Variants in RCOR3 observed in about 807,000 individuals in gnomAD.
RCOR3 encodes the protein REST corepressor 3.
RCOR3 carries 13 observed loss-of-function variants against 64.1 expected under a neutral mutation model. The ratio of observed to expected loss-of-function variants is 0.20; its 90% CI spans 0.13 to 0.32. RCOR3 has a LOEUF of 0.32. Ranked by LOEUF, RCOR3 falls within the 10% of genes least tolerant of loss-of-function variation. RCOR3 has a pLI of 1.00. For synonymous variants in RCOR3, 215 were observed against 239.0 expected (o/e 0.90, Z 0.93); for missense variants, 489 against 701.2 (o/e 0.70, Z 3.42).
chr1:211,259,667 C>T lies in RCOR3; in HGVS notation c.107C>T (p.Thr36Ile), dbSNP rs1409519973. The T allele has an allele frequency of 6.5e-7, 1 of 1,546,624 alleles. No individual in the cohort carries two copies. Among genetic ancestry groups the T allele is most frequent in the South Asian group, 1.2e-5 (1 of 83,860 alleles). ...GGCGGCGGCAGCGGCGCCTCGTCCA[C>T]CAACGGCGGGCTGCACTACTCAGAG... ...AGGGGSGASS[T>I]NGGLHYSEPE... Residue 36 changes from threonine (T) to isoleucine (I), a missense_variant, in exon 1 of 12, where the codon ACC becomes ATC. Coordinates refer to ENST00000419091, the MANE Select transcript of RCOR3 (RefSeq NM_001136223.3).
chr1:211,271,886 A>G (rs545109865), intron 3 of RCOR3: 2 of 166,190 alleles, frequency 1.2e-5, no homozygotes, highest in African/African-American at 4.8e-5. Context: ...TAACAACACT[A>G]AGATACCCAC....
intron 5 of RCOR3, among the ~76,000 whole-genome samples, chr1:211,277,022 G>T (rs564600620): frequency 5.9e-4 from 89 of 151,084 alleles, no homozygotes; most frequent in African/African-American, 2.0e-3. Context: ...GGAGGCAGAG[G>T]TTGCAGTGAA....
intron 10 of RCOR3, among the ~76,000 whole-genome samples, chr1:211,311,752 A>G (rs1701507974): frequency 6.6e-6 from 1 of 152,094 alleles, no homozygotes. Flanking sequence ...ATTTTCAGCA[A>G]CTTTTCTATT....
intron 7 of RCOR3, among the ~76,000 whole-genome samples, chr1:211,282,918 T>G (rs1698017263): frequency 6.6e-6 from 1 of 152,242 alleles, no homozygotes; most frequent in Admixed American, 6.5e-5. Flanking sequence ...GATATGATTA[T>G]CATTTAGTTT....
chr1:211,259,926 C>T, intron 1 of RCOR3, 182 bp from the exon 2 acceptor site: 2 of 770,238 alleles, frequency 2.6e-6, no homozygotes, highest in Admixed American at 3.5e-5. Context: ...CCGCCTTTGC[C>T]CCCCCCCGCT....
In RCOR3 at chr1:211,295,701, G is replaced by C; in HGVS notation, c.965G>C (p.Ser322Thr). The C allele has an allele frequency of 6.2e-7, 1 of 1,613,640 alleles. No homozygotes were observed. The highest frequency in any genetic ancestry group is 8.5e-7 in the Non-Finnish European group (1 of 1,179,780). Residue 322 changes from serine (S) to threonine (T), a missense_variant, in exon 9 of 12, where the codon AGT becomes ACT. Around this residue, in one of 2 missense-constraint regions of RCOR3, gnomAD observed 402 missense variants for 617.0 expected, o/e 0.65. Coordinates refer to ENST00000419091, the MANE Select transcript of RCOR3 (RefSeq NM_001136223.3). ...RQVQNAKQVN[S>T]ALKQKMEGGI... ...GTTCAGAATGCTAAGCAAGTAAACA[G>C]TGCACTTAAACAGAAAATGGAAGGT...
intron 10 of RCOR3, among the ~76,000 whole-genome samples, chr1:211,305,359 A>G (rs1010173740): frequency 6.6e-6 from 1 of 152,248 alleles, no homozygotes; most frequent in African/African-American, 2.4e-5. Context: ...TAGTTAGTTC[A>G]TAATGTTCAA....
Position 211,278,104 on chromosome 1 carries a change from G to C in RCOR3, c.517-13G>C. ...GAATTAAACTTGCTGATATTAACAT[G>C]ATTTTTTTTAAGCTTCCAGATAAGA... On this transcript the variant is annotated splice_polypyrimidine_tract_variant and intron_variant, in intron 5 of 11. Transcript: ENST00000419091. 1 of 1,584,164 alleles carries C rather than the reference G, an allele frequency of 6.3e-7. No individual in the cohort carries two copies. The highest frequency in any genetic ancestry group is 8.6e-7 in the Non-Finnish European group (1 of 1,165,152).
At chr1:211,269,911 C>T (rs1695865008) in intron 2 of RCOR3, among the ~76,000 whole-genome samples, 2 of 151,866 alleles carry the variant, frequency 1.3e-5, no homozygotes, top group South Asian at 2.1e-4. Flanking sequence ...TAGGATTGCT[C>T]GAGGCCAGTA....
chr1:211,272,971 G>T (rs1696450035), intron 3 of RCOR3, among the ~76,000 whole-genome samples: 2 of 152,100 alleles, frequency 1.3e-5, no homozygotes, highest in Non-Finnish European at 1.5e-5. Flanking sequence ...TGCATAGCCA[G>T]GTTTGGAAAC....
At chr1:211,283,441 T>G (rs1698099354) in intron 7 of RCOR3, among the ~76,000 whole-genome samples, 1 of 152,214 alleles carries the variant, frequency 6.6e-6, no homozygotes, top group Admixed American at 6.5e-5. Context: ...TTGTTTTCTA[T>G]AGCTGATATA....
chr1:211,313,120 T>C lies in RCOR3; in HGVS notation c.1317+159T>C. ...TGCATCTCTCGTGACTCTTAAGTCA[T>C]AATGACATGCTAAGTTCTGATTCTA... On this transcript the variant is annotated intron_variant, in intron 11 of 11. Transcript: ENST00000419091. The surrounding 1 kb of genome is among the most constrained non-coding windows in gnomAD (Gnocchi z 4.7). The C allele has an allele frequency of 6.6e-7, 1 of 1,505,020 alleles. No homozygotes were observed. The highest frequency in any genetic ancestry group is 1.4e-5 in the African/African-American group (1 of 71,418). 93.2% of individuals were successfully genotyped at this position (1,505,020 alleles called of 1,614,324 possible).
intron 10 of RCOR3, among the ~76,000 whole-genome samples, chr1:211,308,698 T>TTTTTTTTTTTTTTGTG (rs1701171863): frequency 2.4e-5 from 1 of 40,844 alleles, no homozygotes; most frequent in African/African-American, 6.9e-5. Context: ...TTTTTTTTTT[T>TTTTTTTTTTTTTTGTG]TGTGTAGTCC....
At chr1:211,260,398 C>T (rs1420153204) in intron 2 of RCOR3, among the ~76,000 whole-genome samples, 1 of 152,240 alleles carries the variant, frequency 6.6e-6, no homozygotes, top group African/African-American at 2.4e-5. Context: ...CCGCTGGGGG[C>T]ATCGCCTTCC....
At chr1:211,261,548 G>A (rs920979355) in intron 2 of RCOR3, among the ~76,000 whole-genome samples, 1 of 152,152 alleles carries the variant, frequency 6.6e-6, no homozygotes, top group Non-Finnish European at 1.5e-5. Context: ...GATGTTGCTA[G>A]TAGGTGAATG....
At chr1:211,287,240 T>G (rs915116513) in intron 7 of RCOR3, among the ~76,000 whole-genome samples, 2 of 152,186 alleles carry the variant, frequency 1.3e-5, no homozygotes, top group African/African-American at 4.8e-5. Context: ...CCCCTCCCTC[T>G]GCAGAGCAGG....
intron 7 of RCOR3, among the ~76,000 whole-genome samples, chr1:211,280,515 A>C (rs1697626047): frequency 6.6e-6 from 1 of 152,184 alleles, no homozygotes; most frequent in Non-Finnish European, 1.5e-5. Context: ...CTTGGGCCTT[A>C]ATATCCCTCT....
intron 9 of RCOR3, chr1:211,303,610 T>C (rs1571989941): frequency 1.7e-5 from 1 of 59,756 alleles, no homozygotes; most frequent in African/African-American, 5.8e-5. Context: ...GGGAGAAATA[T>C]TGGGGGTGTC....
At chr1:211,278,943 C>G (rs1409566939) in intron 6 of RCOR3, among the ~76,000 whole-genome samples, 1 of 152,110 alleles carries the variant, frequency 6.6e-6, no homozygotes, top group Non-Finnish European at 1.5e-5. Context: ...AATCCCAGCA[C>G]TTTGGGAGGC....
Sources: allele counts gnomAD v4.1 joint callset (sites outside exome capture counted in the v4.1 genomes callset), GRCh38; gene constraint gnomAD v4.1.1; regional missense constraint gnomAD v4.1.1; non-coding constraint Gnocchi (gnomAD v3.1); transcripts MANE v1.5; gene names NCBI Gene and HGNC (gene_info 2026-07-23, HGNC 2026-07-21).